FAT3: variants seen among roughly 807,000 people sequenced by gnomAD.
FAT3 encodes the protein FAT atypical cadherin 3.
Under a neutral mutation model 310.2 loss-of-function variants are expected in FAT3, and 95 were observed. The ratio of observed to expected loss-of-function variants is 0.31; its 90% CI spans 0.26 to 0.36. FAT3 has a LOEUF of 0.36. Among genes scored for constraint, FAT3 ranks in the 10% least tolerant of loss-of-function variants. FAT3 has a pLI of 1.00. For missense variants in FAT3, 5,408 were observed against 5,715.6 expected, an observed-to-expected ratio of 0.95 and a Z score of 1.74; for synonymous variants, 2,314 against 2,192.9, an observed-to-expected ratio of 1.06 and a Z score of -1.54.
intron 4 of FAT3, among the ~76,000 whole-genome samples, chr11:92,754,945 A>T (rs976505337): frequency 6.6e-5 from 10 of 152,166 alleles, no homozygotes; most frequent in Non-Finnish European, 1.5e-4. Context: ...GAAGAACATT[A>T]TGTTAACTCA....
rs149985467 is a variant in FAT3 at position 92,387,296 on chromosome 11, C to T, written c.3292+31892C>T. ...TAGAGCTCTGAGCTGCAGAGAGGCA[C>T]GAAGGTTCTTTCTTTTAGTGGTGAG... On this transcript the variant is annotated intron_variant, in intron 2 of 27. Transcript: ENST00000525166. 1.9e-3 allele frequency among the ~76,000 whole-genome samples: 288 copies of T among 152,128 alleles called. 2 individuals are homozygous for T. The highest frequency in any genetic ancestry group is 3.3e-3 in the Non-Finnish European group (227 of 68,010).
chr11:92,325,360 T>C (rs1419882567), intron 1 of FAT3, among the ~76,000 whole-genome samples: 1 of 152,224 alleles, frequency 6.6e-6, no homozygotes, highest in African/African-American at 2.4e-5. Context: ...AGTTAGAAAC[T>C]TTGGCCCTAT....
At chr11:92,293,511 ATT>A (rs1491157834) in intron 1 of FAT3, among the ~76,000 whole-genome samples, 2 of 70,278 alleles carry the variant, frequency 2.8e-5, no homozygotes, top group African/African-American at 1.2e-4. Context: ...AGAACCTCAG[ATT>A]ATATATATAT....
At chr11:92,553,247 C>A (rs1279608141) in intron 3 of FAT3, among the ~76,000 whole-genome samples, 1 of 152,174 alleles carries the variant, frequency 6.6e-6, no homozygotes, top group African/African-American at 2.4e-5. Context: ...AAGGTCACAT[C>A]TTGTTCATAT....
At chr11:92,846,331 TAC>T (rs1948683410) in intron 19 of FAT3, among the ~76,000 whole-genome samples, 1 of 152,290 alleles carries the variant, frequency 6.6e-6, no homozygotes, top group Admixed American at 6.5e-5. Context: ...GCAAAAAAGA[TAC>T]AGTTACTGCC....
chr11:92,676,181 GA>G (rs1231237392), intron 3 of FAT3, among the ~76,000 whole-genome samples: 2 of 152,158 alleles, frequency 1.3e-5, no homozygotes. Context: ...TAACCAAAAT[GA>G]AAACTATTCC....
chr11:92,569,459 G>A (rs1955594442), intron 3 of FAT3, among the ~76,000 whole-genome samples: 1 of 152,146 alleles, frequency 6.6e-6, no homozygotes, highest in South Asian at 2.1e-4. Context: ...GAAGCCTGAT[G>A]AGGGGGACAG....
In FAT3 at chr11:92,859,229, A is replaced by G. The variant is rs748735699; in HGVS notation, c.11565A>G (p.Lys3855=). 6.2e-7 allele frequency: 1 copy of G among 1,613,920 alleles called. No individual in the cohort carries two copies. Among genetic ancestry groups the G allele is most frequent in the East Asian group, 2.2e-5 (1 of 44,872 alleles). The change falls in exon 21 of 28, where the codon AAA becomes AAG. Residue 3855 remains lysine, a synonymous_variant. Transcript: ENST00000525166. Reference sequence around the variant, plus strand: ...AATATCGGCTTTCTGAAAATAGCAAAGAAGAGGATTTCAAACTAGCTCTGC... The same window carrying G: ...AATATCGGCTTTCTGAAAATAGCAAGGAAGAGGATTTCAAACTAGCTCTGC... ...YIKYRLSENS[K]EEDFKLALRL...
intron 6 of FAT3, among the ~76,000 whole-genome samples, chr11:92,771,295 C>T (rs1946449405): frequency 6.6e-6 from 1 of 152,146 alleles, no homozygotes; most frequent in South Asian, 2.1e-4. Flanking sequence ...TTGATATTCT[C>T]ACCCTGGACG....
At chr11:92,619,963 A>T (rs964449606) in intron 3 of FAT3, among the ~76,000 whole-genome samples, 1 of 152,118 alleles carries the variant, frequency 6.6e-6, no homozygotes, top group African/African-American at 2.4e-5. Flanking sequence ...TATAGCTATT[A>T]AAAAAGTCAT....
At chr11:92,683,253 C>T (rs763576219) in intron 3 of FAT3, among the ~76,000 whole-genome samples, 2 of 152,138 alleles carry the variant, frequency 1.3e-5, no homozygotes, top group African/African-American at 4.8e-5. Context: ...TATGAAGACA[C>T]TTCCACACTG....
At chr11:92,225,344 C>G (rs1168646963) in intron 1 of FAT3, among the ~76,000 whole-genome samples, 170 bp downstream of exon 1, 1 of 152,150 alleles carries the variant, frequency 6.6e-6, no homozygotes, top group East Asian at 1.9e-4. Context: ...AAGTTCCAAC[C>G]TCCGCGCAGC....
rs138569183 is a variant in FAT3, at chr11:92,864,684, G to A, written c.11659-2057G>A. Among the ~76,000 whole-genome samples the A allele has an allele frequency of 8.5e-3, 1,301 of 152,178 alleles. 21 individuals are homozygous for A. Among genetic ancestry groups the A allele is most frequent in the African/African-American group, 0.03 (1,225 of 41,492 alleles). ...TAGAAAAAATTAGCTGGGCATGGTG[G>A]CGCTTGCCTGTAATCCCAGCTACTC... On this transcript the variant is annotated intron_variant, in intron 21 of 27. Transcript: ENST00000525166.
intron 2 of FAT3, among the ~76,000 whole-genome samples, chr11:92,519,729 CTTT>C (rs1013780584): frequency 6.6e-6 from 1 of 152,150 alleles, no homozygotes; most frequent in African/African-American, 2.4e-5. Context: ...ACGATAACTT[CTTT>C]ATCTTAGAGA....
chr11:92,321,532 T>C (rs1947619672), intron 1 of FAT3, among the ~76,000 whole-genome samples: 1 of 152,024 alleles, frequency 6.6e-6, no homozygotes, highest in Non-Finnish European at 1.5e-5. Flanking sequence ...ATTAAGATGA[T>C]CTAATTAGAC....
intron 2 of FAT3, among the ~76,000 whole-genome samples, chr11:92,435,280 A>G (rs1478147853): frequency 6.6e-6 from 1 of 152,100 alleles, no homozygotes; most frequent in African/African-American, 2.4e-5. Flanking sequence ...TTCTCAGGGT[A>G]TGCTTAAGCT....
At chr11:92,478,537 C>T (rs1490252490) in intron 2 of FAT3, among the ~76,000 whole-genome samples, 1 of 151,824 alleles carries the variant, frequency 6.6e-6, no homozygotes, top group Non-Finnish European at 1.5e-5. Flanking sequence ...TGGGCATTGT[C>T]CTCATATATT....
chr11:92,302,104 A>G (rs1270439484), intron 1 of FAT3, among the ~76,000 whole-genome samples: 1 of 152,038 alleles, frequency 6.6e-6, no homozygotes, highest in Non-Finnish European at 1.5e-5. Flanking sequence ...ATACATACTC[A>G]TGGTTATGGT....
intron 6 of FAT3, among the ~76,000 whole-genome samples, chr11:92,769,281 G>A (rs1240939464): frequency 6.6e-6 from 1 of 152,164 alleles, no homozygotes; most frequent in Non-Finnish European, 1.5e-5. Context: ...ACATAATAAA[G>A]TTCAGCTGTT....
Sources: allele counts gnomAD v4.1 joint callset (sites outside exome capture counted in the v4.1 genomes callset), GRCh38; gene constraint gnomAD v4.1.1; transcripts MANE v1.5; gene names NCBI Gene and HGNC (gene_info 2026-07-23, HGNC 2026-07-21).